UBASH3B: variants seen among roughly 807,000 people sequenced by gnomAD.
UBASH3B encodes ubiquitin associated and SH3 domain containing B.
A neutral mutation model predicts 83.4 loss-of-function variants in UBASH3B; 37 were observed. That is an observed-to-expected ratio of 0.44 (90% CI 0.34 to 0.58). The LOEUF is 0.58. Ranked by LOEUF, UBASH3B falls within the 20% of genes least tolerant of loss-of-function variation. The pLI is 0.01. For synonymous variants in UBASH3B, 304 were observed against 318.3 expected (o/e 0.96, Z 0.48); for missense variants, 657 against 827.2 (o/e 0.79, Z 2.52).
intron 1 of UBASH3B, among the ~76,000 whole-genome samples, chr11:122,707,332 A>G (rs1317068636): frequency 1.3e-5 from 2 of 152,024 alleles, no homozygotes; most frequent in Non-Finnish European, 2.9e-5. Context: ...CTTGCTTCTG[A>G]CGGGGAGTGG....
At chr11:122,668,212 T>A (rs1478150537) in intron 1 of UBASH3B, among the ~76,000 whole-genome samples, 4 of 152,164 alleles carry the variant, frequency 2.6e-5, no homozygotes, top group Non-Finnish European at 5.9e-5. Flanking sequence ...GGTCTTGAAC[T>A]CCTGACCTCA....
intron 1 of UBASH3B, among the ~76,000 whole-genome samples, chr11:122,688,447 TGTTTG>T (rs1197861062): frequency 2.2e-4 from 25 of 115,456 alleles, no homozygotes; most frequent in South Asian, 2.7e-4. Flanking sequence ...TTTTGTGGTT[TGTTTG>T]TTTTTTTTTT....
At chr11:122,746,160 G>C (rs1358376419) in intron 1 of UBASH3B, among the ~76,000 whole-genome samples, 1 of 152,190 alleles carries the variant, frequency 6.6e-6, no homozygotes, top group African/African-American at 2.4e-5. Flanking sequence ...ACTGAGCTAA[G>C]GCCCAGGGAC....
intron 1 of UBASH3B, among the ~76,000 whole-genome samples, chr11:122,710,153 CAAA>C (rs533815380): frequency 3.1e-5 from 2 of 65,246 alleles, no homozygotes; most frequent in African/African-American, 5.5e-5. Context: ...GAGACTGTCT[CAAA>C]AAAAAAAAAA....
At chr11:122,760,670 G>A (rs1861356580) in intron 1 of UBASH3B, among the ~76,000 whole-genome samples, 1 of 152,200 alleles carries the variant, frequency 6.6e-6, no homozygotes, top group Non-Finnish European at 1.5e-5. Context: ...CCCAGAGAAA[G>A]GTTTTAAGTG....
intron 3 of UBASH3B, 126 bp from the exon 4 acceptor site, chr11:122,779,371 G>C: frequency 1.0e-6 from 1 of 957,562 alleles, no homozygotes; most frequent in East Asian, 2.5e-5. Flanking sequence ...CACAGACAGG[G>C]GTAGTGGTTA....
At chr11:122,746,903 C>G (rs998044796) in intron 1 of UBASH3B, among the ~76,000 whole-genome samples, 1 of 152,138 alleles carries the variant, frequency 6.6e-6, no homozygotes, top group African/African-American at 2.4e-5. Flanking sequence ...AAGGATTTCG[C>G]TGAATGGTGA....
intron 1 of UBASH3B, among the ~76,000 whole-genome samples, chr11:122,688,570 CG>C (rs1247831312): frequency 6.6e-6 from 1 of 151,594 alleles, no homozygotes; most frequent in African/African-American, 2.4e-5. Context: ...CTCAGCCTCC[CG>C]AGTAAGCTGG....
chr11:122,747,672 G>C (rs1565550622), intron 1 of UBASH3B, among the ~76,000 whole-genome samples: 1 of 152,208 alleles, frequency 6.6e-6, no homozygotes, highest in Non-Finnish European at 1.5e-5. Context: ...GTCAAAGCTG[G>C]GGAACGTCTT....
intron 1 of UBASH3B, among the ~76,000 whole-genome samples, chr11:122,663,241 T>G (rs1863469725): frequency 1.3e-5 from 2 of 152,302 alleles, no homozygotes; most frequent in South Asian, 4.1e-4. Flanking sequence ...TCTCCCAAAG[T>G]GCTGGGATTA....
At chr11:122,783,868 T>TAGC (rs1321533918) in intron 5 of UBASH3B, among the ~76,000 whole-genome samples, 1 of 151,762 alleles carries the variant, frequency 6.6e-6, no homozygotes, top group African/African-American at 2.4e-5. Context: ...GGTACACCCC[T>TAGC]AGCACCCTTC....
In UBASH3B at chr11:122,779,628, G is replaced by A. The variant is rs1860813905; in HGVS notation, c.534G>A (p.Lys178=). ...TSSNFIGLFV[K]EDSAEVLKKF... is the part of the protein sequence containing the mutation. ...CCAACTTCATCGGCCTCTTTGTAAA[G>A]GAAGACAGTGCGGAGGTCCTCAAGA... The change falls in exon 4 of 14, where the codon AAG becomes AAA. Residue 178 remains lysine, a synonymous_variant. Coordinates refer to ENST00000284273, the MANE Select transcript of UBASH3B (RefSeq NM_032873.5). 6.2e-7 allele frequency: 1 copy of A among 1,614,216 alleles called. No homozygotes were observed. The highest frequency in any genetic ancestry group is 1.7e-5 in the Admixed American group (1 of 60,026).
chr11:122,680,797 A>G (rs1242536632), intron 1 of UBASH3B, among the ~76,000 whole-genome samples: 1 of 152,218 alleles, frequency 6.6e-6, no homozygotes, highest in Non-Finnish European at 1.5e-5. Flanking sequence ...AACTGATTTG[A>G]AAGGAGAACC....
At chr11:122,756,955 G>A (rs145744858) in intron 1 of UBASH3B, among the ~76,000 whole-genome samples, 66 of 152,308 alleles carry the variant, frequency 4.3e-4, no homozygotes, top group African/African-American at 1.6e-3. Context: ...TTGCCTCCGC[G>A]GGTCTTAGTT....
Position 122,757,893 on chromosome 11 carries a change from T to C in UBASH3B, c.162-18326T>C, listed in dbSNP as rs181217672. On this transcript the variant is annotated intron_variant, in intron 1 of 13. Coordinates refer to ENST00000284273, the MANE Select transcript of UBASH3B (RefSeq NM_032873.5). The stretch of plus-strand genomic sequence containing the variant: ...CACACCCAGCTAATTTTTGTATTTT[T>C]AGTAGAGATGGGGTTCCACCATGTT... Among the ~76,000 whole-genome samples the C allele has an allele frequency of 7.4e-3, 1,123 of 152,070 alleles. 11 individuals are homozygous for C. Among genetic ancestry groups the C allele is most frequent in the Middle Eastern group, 0.037 (11 of 294 alleles).
intron 1 of UBASH3B, among the ~76,000 whole-genome samples, chr11:122,732,054 G>A (rs1420039746): frequency 2.6e-5 from 4 of 152,168 alleles, no homozygotes; most frequent in Non-Finnish European, 5.9e-5. Context: ...TGAGGAACCT[G>A]CTTCCGGGGT....
At chr11:122,729,160 T>C (rs1318901979) in intron 1 of UBASH3B, among the ~76,000 whole-genome samples, 6 of 152,198 alleles carry the variant, frequency 3.9e-5, no homozygotes, top group African/African-American at 1.4e-4. Context: ...CTCTGGACAG[T>C]GGCTCTCTGA....
intron 4 of UBASH3B, 184 bp from the exon 5 acceptor site, chr11:122,782,869 C>G (rs890658114): frequency 2.9e-6 from 2 of 679,664 alleles, no homozygotes; most frequent in East Asian, 5.5e-5. Context: ...TGGCTTGATT[C>G]GGAATCTCTT....
At chr11:122,672,603 G>A (rs1863612531) in intron 1 of UBASH3B, among the ~76,000 whole-genome samples, 1 of 152,172 alleles carries the variant, frequency 6.6e-6, no homozygotes, top group Admixed American at 6.5e-5. Flanking sequence ...TGGGATTACA[G>A]GCGTGAGGCA....
Sources: gnomAD v4.1 joint callset for allele counts (sites outside exome capture counted in the v4.1 genomes callset) on GRCh38, gnomAD v4.1.1 for gene constraint, MANE v1.5 for transcripts, NCBI Gene and HGNC (gene_info 2026-07-23, HGNC 2026-07-21) for gene names.